DLG2: variants seen among roughly 807,000 people sequenced by gnomAD.
DLG2 encodes disks large homolog 2.
DLG2 carries 45 observed loss-of-function variants against 132.5 expected under a neutral mutation model. The observed-to-expected ratio is 0.34, with a 90% CI of 0.27 to 0.44. The LOEUF (loss-of-function observed/expected upper bound fraction) is 0.44, where lower values mean the gene tolerates loss of function less well. Among genes scored for constraint, DLG2 ranks in the 20% least tolerant of loss-of-function variants. The pLI is 1.00. For synonymous variants in DLG2, 424 were observed against 419.6 expected (o/e 1.01, Z -0.13); for missense variants, 1,045 against 1,196.9 (o/e 0.87, Z 1.87).
chr11:83,712,048 T>A (rs1472532537), intron 18 of DLG2, among the ~76,000 whole-genome samples: 1 of 152,174 alleles, frequency 6.6e-6, no homozygotes, highest in Non-Finnish European at 1.5e-5. Context: ...AAGTTGCATT[T>A]ACACTGTTGG....
At chr11:84,849,396 C>T (rs951117991) in intron 6 of DLG2, among the ~76,000 whole-genome samples, 1 of 152,102 alleles carries the variant, frequency 6.6e-6, no homozygotes, top group Non-Finnish European at 1.5e-5. Context: ...AATCTAAAAT[C>T]CTTCCCATTA....
In DLG2 at chr11:84,679,370, T is replaced by C. The variant is rs190290043; in HGVS notation, c.358-144639A>G. On this transcript the variant is annotated intron_variant, in intron 6 of 27. Transcript: ENST00000376104. ...GTTTGCAAATGATGACAGATTCCAGTTGAGGTTTTACAAAAATGTTTGGAC... is the reference window on the plus strand; with the variant it reads ...GTTTGCAAATGATGACAGATTCCAGCTGAGGTTTTACAAAAATGTTTGGAC... 4.7e-3 allele frequency among the ~76,000 whole-genome samples: 717 copies of C among 152,164 alleles called. 2 individuals are homozygous for C. The highest frequency in any genetic ancestry group is 6.1e-3 in the Non-Finnish European group (416 of 67,942).
chr11:84,277,867 A>C (rs924083817), intron 7 of DLG2, among the ~76,000 whole-genome samples: 6 of 152,078 alleles, frequency 3.9e-5, no homozygotes, highest in Non-Finnish European at 7.4e-5. Flanking sequence ...CCAATCCTAC[A>C]ATCCTACAAA....
chr11:84,016,346 A>G (rs1488618839), intron 11 of DLG2, among the ~76,000 whole-genome samples: 1 of 151,740 alleles, frequency 6.6e-6, no homozygotes. Context: ...TACTCTGTTG[A>G]TAGTTTCTTA....
At position 84,052,442 on chromosome 11, in the gene DLG2, C is replaced by T. The variant is rs571898758; in HGVS notation, c.919+6873G>A. Among the ~76,000 whole-genome samples, 95 of 151,876 alleles carry T rather than the reference C, an allele frequency of 6.3e-4. 1 individual carries two copies. Among genetic ancestry groups the T allele is most frequent in the African/African-American group, 2.3e-3 (95 of 41,480 alleles). ...AGGACCTCCCCCAAATTTTTTTAAT[C>T]TGTCCATCTGACAAAGGTCTAACAT... On this transcript the variant is annotated intron_variant, in intron 11 of 27. Coordinates refer to ENST00000376104, the MANE Select transcript of DLG2 (RefSeq NM_001142699.3).
intron 6 of DLG2, among the ~76,000 whole-genome samples, chr11:84,915,289 A>G (rs2092386223): frequency 1.3e-5 from 2 of 152,186 alleles, no homozygotes; most frequent in African/African-American, 4.8e-5. Context: ...TCTGATTATA[A>G]TACATTTAAT....
At chr11:85,358,064 A>G (rs554099287) in intron 3 of DLG2, among the ~76,000 whole-genome samples, 8 of 152,160 alleles carry the variant, frequency 5.3e-5, no homozygotes, top group African/African-American at 1.7e-4. Flanking sequence ...AGAGATTAGA[A>G]AAGAAATATG....
intron 6 of DLG2, among the ~76,000 whole-genome samples, chr11:85,092,684 C>T (rs902759882): frequency 6.6e-6 from 1 of 151,110 alleles, no homozygotes; most frequent in Non-Finnish European, 1.5e-5. Flanking sequence ...ACTCTGTTGC[C>T]CAGGCTGGAG....
At chr11:84,969,310 G>T (rs1029590672) in intron 6 of DLG2, among the ~76,000 whole-genome samples, 6 of 152,158 alleles carry the variant, frequency 3.9e-5, no homozygotes, top group Non-Finnish European at 1.5e-5. Flanking sequence ...AGGAATGTCT[G>T]GAGCTAGTGG....
At chr11:84,901,698 T>G in intron 6 of DLG2, among the ~76,000 whole-genome samples, 1 of 152,122 alleles carries the variant, frequency 6.6e-6, no homozygotes, top group East Asian at 1.9e-4. Context: ...TAGGGTCATT[T>G]GATTTATACA....
At chr11:84,545,196 T>C (rs1278424362) in intron 6 of DLG2, 7 of 456,774 alleles carry the variant, frequency 1.5e-5, no homozygotes, top group Non-Finnish European at 2.6e-5. Flanking sequence ...CTTGGTTTCA[T>C]GGTTTGGCAA....
At chr11:84,957,785 G>C (rs1377618560) in intron 6 of DLG2, among the ~76,000 whole-genome samples, 2 of 152,328 alleles carry the variant, frequency 1.3e-5, no homozygotes, top group Admixed American at 6.5e-5. Context: ...TAGCAATTAA[G>C]ACTCACGTGT....
intron 22 of DLG2, among the ~76,000 whole-genome samples, chr11:83,479,754 A>C (rs2092946819): frequency 6.6e-6 from 1 of 152,098 alleles, no homozygotes; most frequent in African/African-American, 2.4e-5. Context: ...CTGATCTAAG[A>C]AGACTTGGTC....
chr11:84,252,661 C>T (rs1450359888), intron 7 of DLG2, among the ~76,000 whole-genome samples: 2 of 152,164 alleles, frequency 1.3e-5, no homozygotes, highest in Admixed American at 1.3e-4. Flanking sequence ...ATTGCAATCT[C>T]TATTTGCATC....
chr11:84,416,862 G>A (rs1197821677), intron 7 of DLG2, among the ~76,000 whole-genome samples: 1 of 152,078 alleles, frequency 6.6e-6, no homozygotes, highest in African/African-American at 2.4e-5. Flanking sequence ...GTAAATAACA[G>A]AAATAATGGA....
intron 3 of DLG2, among the ~76,000 whole-genome samples, chr11:85,496,752 C>T (rs1250784366): frequency 6.6e-6 from 1 of 152,154 alleles, no homozygotes. Context: ...ATTTGCTGTT[C>T]TGCAACCTCC....
chr11:84,424,904 AAAGAGGGTCTGGGC>A (rs1160556855), intron 7 of DLG2, among the ~76,000 whole-genome samples: 2 of 152,098 alleles, frequency 1.3e-5, no homozygotes, highest in Non-Finnish European at 2.9e-5. Context: ...GCAAATAAGC[AAAGAGGGTCTGGGC>A]AAGACAGAAT....
chr11:84,812,071 T>C (rs1049140248), intron 6 of DLG2, among the ~76,000 whole-genome samples: 1 of 152,114 alleles, frequency 6.6e-6, no homozygotes, highest in Non-Finnish European at 1.5e-5. Flanking sequence ...GGTTAAGATA[T>C]AGATAAAAGC....
intron 3 of DLG2, among the ~76,000 whole-genome samples, chr11:85,499,944 T>C (rs1219793828): frequency 1.3e-5 from 2 of 152,264 alleles, no homozygotes; most frequent in Non-Finnish European, 2.9e-5. Flanking sequence ...ATGGAACATA[T>C]CTCAATATAA....
Sources: allele counts gnomAD v4.1 joint callset (sites outside exome capture counted in the v4.1 genomes callset), GRCh38; gene constraint gnomAD v4.1.1; transcripts MANE v1.5; gene names NCBI Gene and HGNC (gene_info 2026-07-23, HGNC 2026-07-21).